Variants in SIN3B observed in about 807,000 individuals in gnomAD.
SIN3B encodes the protein paired amphipathic helix protein Sin3b.
In SIN3B, 19 loss-of-function variants were observed where a neutral mutation model predicts 120.2. That is an observed-to-expected ratio of 0.16 (90% CI 0.11 to 0.23). SIN3B has a LOEUF of 0.23. Ranked by LOEUF, SIN3B falls within the 10% of genes least tolerant of loss-of-function variation. The pLI is 1.00. For missense variants in SIN3B, 1,073 were observed against 1,573.0 expected, an observed-to-expected ratio of 0.68 and a Z score of 5.38; for synonymous variants, 654 against 653.2, an observed-to-expected ratio of 1.00 and a Z score of -0.02.
Position 16,865,617 on chromosome 19 carries a change from C to G in SIN3B, c.1591C>G (p.Pro531Ala). Residue 531 changes from proline to alanine, a missense_variant, in exon 11 of 19, where the codon CCT (proline) becomes GCT (alanine). Transcript: ENST00000248054. ...PEIIESLKKN[P>A]VTAVPVVLKR... ...GATCATCGAGAGCCTCAAGAAGAAC[C>G]CTGTCACCGCTGTCCCCGTTGTCCT... 1 of 1,611,022 alleles carries G rather than the reference C, an allele frequency of 6.2e-7. No individual in the cohort carries two copies.
chr19:16,851,323 G>A, intron 5 of SIN3B, 89 bp from the exon 6 acceptor site: 1 of 1,454,048 alleles, frequency 6.9e-7, no homozygotes, highest in South Asian at 1.5e-5. Context: ...CCACCGGGCT[G>A]TGGGCTGAGC....
At position 16,877,523 on chromosome 19, in the gene SIN3B, C is replaced by T. The variant is rs375585849; in HGVS notation, c.2860-22C>T. The T allele has an allele frequency of 1.9e-6, 3 of 1,571,462 alleles. No homozygotes were observed. The African/African-American group carries it at 4.0e-5, about 21-fold the overall frequency. On this transcript the variant is annotated intron_variant, in intron 16 of 18. Transcript: ENST00000248054. ...AGCCCTGCTGTAGGGGCATCACGGG[C>T]TGTGTCTCTCCCTGTCCCCAGCACC...
Position 16,831,557 on chromosome 19 carries a change from T to C in SIN3B, c.291T>C (p.Ile97=), listed in dbSNP as rs200751623. 93 of 1,614,056 alleles carry C rather than the reference T, an allele frequency of 5.8e-5. No individual in the cohort carries two copies. The African/African-American group carries it at 1.1e-3, about 18-fold the overall frequency. The change falls in exon 3 of 19, where the codon ATT becomes ATC. Residue 97 remains isoleucine, a synonymous_variant. Coordinates refer to ENST00000248054, the MANE Select transcript of SIN3B (RefSeq NM_001297595.2). The stretch of plus-strand genomic sequence containing the variant: ...TCTTCCACGAGCACCCTGACCTCAT[T>C]GTTGGATTCAACGCTTTTCTTCCCC... The part of the protein sequence containing the change: ...SQLFHEHPDL[I]VGFNAFLPLG...
chr19:16,835,477 C>A (rs2144575716), intron 3 of SIN3B, among the ~76,000 whole-genome samples: 1 of 148,748 alleles, frequency 6.7e-6, no homozygotes, highest in South Asian at 2.1e-4. Context: ...GATCTGCCCA[C>A]CTCGGCCTCC....
chr19:16,863,451 G>A, intron 9 of SIN3B: 1 of 559,310 alleles, frequency 1.8e-6, no homozygotes, highest in South Asian at 2.4e-5. Flanking sequence ...GTGGATTTGG[G>A]TCTTCAGGGG....
chr19:16,865,304 A>G (rs1461330131), intron 10 of SIN3B, 106 bp from the exon 11 acceptor site: 2 of 463,816 alleles, frequency 4.3e-6, no homozygotes, highest in Non-Finnish European at 3.9e-6. Flanking sequence ...TTAAATACAC[A>G]CACCCCCCCC....
At position 16,863,739 on chromosome 19, in the gene SIN3B, C is replaced by T; in HGVS notation, c.1326C>T (p.Ser442=). The T allele has an allele frequency of 6.2e-7, 1 of 1,614,228 alleles. No individual in the cohort carries two copies. Among genetic ancestry groups the T allele is most frequent in the East Asian group, 2.2e-5 (1 of 44,886 alleles). ...PSWSEDSTFV[S]SKKTPYEEQL... is the part of the protein sequence containing the mutation. ...GGTCTGAGGACTCCACGTTCGTCAG[C>T]TCCAAGAAGACACCGTACGAGGAGC... The change falls in exon 10 of 19, where the codon AGC becomes AGT. Residue 442 remains serine (S), a synonymous_variant. Coordinates refer to ENST00000248054, the MANE Select transcript of SIN3B (RefSeq NM_001297595.2).
chr19:16,865,610 G>A lies in SIN3B; in HGVS notation c.1584G>A (p.Lys528=), dbSNP rs1162233447. 12 of 1,611,972 alleles carry A rather than the reference G, an allele frequency of 7.4e-6. No individual in the cohort carries two copies. The highest frequency in any genetic ancestry group is 1.0e-5 in the Non-Finnish European group (12 of 1,178,926). ...CCCCGGAGATCATCGAGAGCCTCAAGAAGAACCCTGTCACCGCTGTCCCCG... is the reference window on the plus strand; with the variant it reads ...CCCCGGAGATCATCGAGAGCCTCAAAAAGAACCCTGTCACCGCTGTCCCCG... ...DKAPEIIESL[K]KNPVTAVPVV... is the part of the protein sequence containing the mutation. The change falls in exon 11 of 19, where the codon AAG becomes AAA. Residue 528 remains lysine (K), a synonymous_variant. Transcript: ENST00000248054.
intron 11 of SIN3B, among the ~76,000 whole-genome samples, chr19:16,865,982 G>T (rs141506491): frequency 6.6e-6 from 1 of 152,184 alleles, no homozygotes; most frequent in Non-Finnish European, 1.5e-5. Context: ...GCCGTCCGGC[G>T]CTAGTTAACA....
chr19:16,863,880 G>A, intron 10 of SIN3B, 84 bp downstream of exon 10: 1 of 940,690 alleles, frequency 1.1e-6, no homozygotes, highest in Non-Finnish European at 1.7e-6. Flanking sequence ...CTCCTCCACT[G>A]CCCCAGTCTC....
Position 16,829,731 on chromosome 19 carries a change from C to T in SIN3B, c.121-60C>T, listed in dbSNP as rs1971254954. ...CCCATCCCCTTCCCCTCAGGGACCCCGGCCCCTCGTCCCCTCGTTCCGCGG... is the reference window on the plus strand; with the variant it reads ...CCCATCCCCTTCCCCTCAGGGACCCTGGCCCCTCGTCCCCTCGTTCCGCGG... On this transcript the variant is annotated intron_variant, in intron 1 of 18. Coordinates refer to ENST00000248054, the MANE Select transcript of SIN3B (RefSeq NM_001297595.2). 2.0e-6 allele frequency: 3 copies of T among 1,470,026 alleles called. No individual in the cohort carries two copies. The South Asian group carries it at 3.4e-5, about 17-fold the overall frequency. The allele number at this position is 1,470,026 out of a possible 1,614,324, so 91.1% of individuals were successfully genotyped here. A position where few individuals can be genotyped will look rare whatever the true frequency, so the allele number is the denominator to read the frequency against.
At position 16,863,069 on chromosome 19, in the gene SIN3B, A is replaced by G. The variant is rs758512088; in HGVS notation, c.1266+510A>G. On this transcript the variant is annotated intron_variant, in intron 9 of 18. Transcript: ENST00000248054. ...CACACAGACACAACCATTCCTTTAC[A>G]TATTGCCTGTGGCTGCTTTTCTCAC... 8 of 995,518 alleles carry G rather than the reference A, an allele frequency of 8.0e-6. No individual in the cohort carries two copies. In the Admixed American group the frequency reaches 9.7e-5, roughly 12 times the overall value. The allele number at this position is 995,518 out of a possible 1,614,324, so 61.7% of individuals were successfully genotyped here. A position where few individuals can be genotyped will look rare whatever the true frequency, so the allele number is the denominator to read the frequency against.
chr19:16,850,912 G>A (rs149953122), intron 5 of SIN3B, among the ~76,000 whole-genome samples: 114 of 152,310 alleles, frequency 7.5e-4, no homozygotes, highest in African/African-American at 2.6e-3. Context: ...AGCAAGTGAC[G>A]ACATCATCCC....
intron 7 of SIN3B, among the ~76,000 whole-genome samples, 196 bp from the exon 8 acceptor site, chr19:16,853,947 A>G (rs1971579090): frequency 2.0e-5 from 3 of 151,168 alleles, no homozygotes; most frequent in Non-Finnish European, 1.5e-5. Flanking sequence ...GAATTGCTGC[A>G]TGGATCACCT....
At chr19:16,864,712 TG>T (rs1412692191) in intron 10 of SIN3B, among the ~76,000 whole-genome samples, 2 of 151,420 alleles carry the variant, frequency 1.3e-5, no homozygotes, top group Non-Finnish European at 2.9e-5. Flanking sequence ...TTTTATTGGC[TG>T]GGCACGATGG....
chr19:16,841,616 A>C, intron 3 of SIN3B, 152 bp from the exon 4 acceptor site: 1 of 691,882 alleles, frequency 1.4e-6, no homozygotes, highest in South Asian at 1.9e-5. Context: ...GCTTGCCTCC[A>C]GGCTCTCAGA....
chr19:16,849,370 A>G (rs1971516671), intron 5 of SIN3B, among the ~76,000 whole-genome samples: 1 of 152,190 alleles, frequency 6.6e-6, no homozygotes, highest in Admixed American at 6.5e-5. Flanking sequence ...TATGTCAATG[A>G]CTGGACAGGG....
chr19:16,839,814 C>T (rs751642258), intron 3 of SIN3B, among the ~76,000 whole-genome samples: 77 of 152,208 alleles, frequency 5.1e-4, no homozygotes, highest in Non-Finnish European at 9.6e-4. Flanking sequence ...TGAGGTCAAG[C>T]GAGACCAGCC....
chr19:16,837,551 C>G (rs988645671), intron 3 of SIN3B, among the ~76,000 whole-genome samples: 2 of 151,514 alleles, frequency 1.3e-5, no homozygotes, highest in Non-Finnish European at 2.9e-5. Context: ...TGACAAGGAC[C>G]AGAGACAGTC....
Sources: allele counts gnomAD v4.1 joint callset (sites outside exome capture counted in the v4.1 genomes callset), GRCh38; gene constraint gnomAD v4.1.1; transcripts MANE v1.5; gene names NCBI Gene and HGNC (gene_info 2026-07-23, HGNC 2026-07-21).